CTBP2: variants seen among roughly 807,000 people sequenced by gnomAD.
CTBP2 encodes the protein C-terminal-binding protein 2.
CTBP2 carries 30 observed loss-of-function variants against 80.3 expected under a neutral mutation model. The observed-to-expected ratio is 0.37, with a 90% confidence interval of 0.28 to 0.51. The LOEUF (loss-of-function observed/expected upper bound fraction) is 0.51. Among genes scored for constraint, CTBP2 ranks in the 20% least tolerant of loss-of-function variants. CTBP2 has a pLI of 0.93. For missense variants in CTBP2, 1,212 were observed against 1,375.3 expected (o/e 0.88, Z 1.88); for synonymous variants, 594 against 587.4 (o/e 1.01, Z -0.16).
At position 125,148,316 on chromosome 10, in the gene CTBP2, T is replaced by C. The variant is rs74163350; in HGVS notation, c.-206+12003A>G. 4.1e-3 allele frequency among the ~76,000 whole-genome samples: 631 copies of C among 152,230 alleles called. 9 individuals are homozygous for C. The highest frequency in any genetic ancestry group is 0.014 in the African/African-American group (597 of 41,542). ...TTGGATCTGAGCCAGGACCCTGACA[T>C]GCCAAGTAACCACCAGGTTGCAAAA... On this transcript the variant is annotated intron_variant, in intron 1 of 10. Transcript: ENST00000337195.
chr10:125,116,368 C>G (rs1015914706), intron 1 of CTBP2, among the ~76,000 whole-genome samples: 4 of 152,180 alleles, frequency 2.6e-5, no homozygotes, highest in African/African-American at 9.7e-5. Context: ...ACTCCCTCGG[C>G]ACCCATGCTG....
At chr10:125,074,631 C>T (rs56691158) in intron 2 of CTBP2, among the ~76,000 whole-genome samples, 11,990 of 152,326 alleles carry the variant, frequency 0.079, 823 homozygotes, top group East Asian at 0.3. Flanking sequence ...AGGCATGAGC[C>T]ACAGTGCCTG....
chr10:125,112,107 CTTTTTTTT>C (rs59148637), intron 1 of CTBP2, among the ~76,000 whole-genome samples: 4 of 123,756 alleles, frequency 3.2e-5, no homozygotes, highest in Admixed American at 8.6e-5. Context: ...CTGCATTTGA[CTTTTTTTT>C]TTTTTTTTTT....
chr10:125,161,729 G>T (rs1240132416), upstream of CTBP2, among the ~76,000 whole-genome samples: 1 of 151,602 alleles, frequency 6.6e-6, no homozygotes, highest in Non-Finnish European at 1.5e-5. Context: ...AAAAAAAAAA[G>T]GTTCCCTCTT....
At chr10:125,040,830 G>A (rs1322001657) in intron 2 of CTBP2, among the ~76,000 whole-genome samples, 1 of 152,136 alleles carries the variant, frequency 6.6e-6, no homozygotes, top group African/African-American at 2.4e-5. Flanking sequence ...AGCTGAAAAG[G>A]CATCCGAAAG....
intron 2 of CTBP2, among the ~76,000 whole-genome samples, chr10:125,104,119 C>T (rs141569615): frequency 1.2e-4 from 18 of 152,308 alleles, no homozygotes; most frequent in East Asian, 1.9e-4. Context: ...AAAGACAGCA[C>T]GGTACCGTTC....
chr10:125,161,248 A>T (rs187139560), upstream of CTBP2: 1 of 150,012 alleles, frequency 6.7e-6, no homozygotes, highest in Non-Finnish European at 1.5e-5. Context: ...CGCGGCGGGC[A>T]CTCCCTAGCC....
At chr10:125,064,737 G>A (rs1844368693) in intron 2 of CTBP2, among the ~76,000 whole-genome samples, 1 of 152,224 alleles carries the variant, frequency 6.6e-6, no homozygotes, top group Admixed American at 6.5e-5. Flanking sequence ...CCACGCCAGT[G>A]TCCCCAGTCA....
chr10:125,118,223 G>A (rs1853666566), intron 1 of CTBP2, among the ~76,000 whole-genome samples: 2 of 152,174 alleles, frequency 1.3e-5, no homozygotes. Flanking sequence ...TTTTCTAGAT[G>A]ACAGGGCCAA....
At position 125,027,402 on chromosome 10, in the gene CTBP2, C is replaced by T. The variant is rs184501466; in HGVS notation, c.358G>A (p.Val120Ile). Residue 120 changes from valine to isoleucine, a missense_variant, in exon 1 of 9, where the codon GTA becomes ATA. Val to Ile is a conservative substitution (Grantham distance 29, BLOSUM62 3). Coordinates refer to ENST00000309035, the MANE Select transcript of CTBP2 (RefSeq NM_022802.3). ...CGATAGAGGGGAGGCTCTTTGGGTA[C>T]CCTAGCAGCTCCAGACGGATCACTG... 167 of 1,613,658 alleles carry T rather than the reference C, an allele frequency of 1.0e-4. No homozygotes were observed. The East Asian group carries it at 3.6e-3, about 35-fold the overall frequency.
At chr10:125,154,994 A>AT (rs1860661650) in intron 1 of CTBP2, among the ~76,000 whole-genome samples, 1 of 152,242 alleles carries the variant, frequency 6.6e-6, no homozygotes, top group Non-Finnish European at 1.5e-5. Flanking sequence ...GTGACTTAAG[A>AT]TGCCTCCTTT....
chr10:125,072,704 T>TG (rs1845696856), intron 2 of CTBP2, among the ~76,000 whole-genome samples: 2 of 150,382 alleles, frequency 1.3e-5, no homozygotes, highest in Non-Finnish European at 2.9e-5. Flanking sequence ...GCCAATTGCT[T>TG]GGGGCCCTCA....
intron 2 of CTBP2, among the ~76,000 whole-genome samples, chr10:125,089,601 C>T (rs1848478616): frequency 6.6e-6 from 1 of 152,170 alleles, no homozygotes; most frequent in Admixed American, 6.5e-5. Flanking sequence ...AGTGGCTGAA[C>T]ACACCCAGAA....
intron 1 of CTBP2, among the ~76,000 whole-genome samples, chr10:125,112,802 C>T (rs1304010571): frequency 6.6e-6 from 1 of 152,200 alleles, no homozygotes; most frequent in East Asian, 1.9e-4. Flanking sequence ...TTTAATGGGG[C>T]TTTTAATTAG....
intron 1 of CTBP2, among the ~76,000 whole-genome samples, chr10:125,120,941 G>A (rs1411179582): frequency 2.0e-5 from 3 of 152,216 alleles, no homozygotes; most frequent in African/African-American, 7.2e-5. Context: ...CCTTGACCCT[G>A]ACTCTCTCAC....
chr10:125,128,701 A>G (rs1190407925), intron 1 of CTBP2, among the ~76,000 whole-genome samples: 1 of 152,216 alleles, frequency 6.6e-6, no homozygotes, highest in Non-Finnish European at 1.5e-5. Context: ...AAAATAGCTG[A>G]CTTCCATACA....
At chr10:125,134,245 G>A (rs1856619358) in intron 1 of CTBP2, among the ~76,000 whole-genome samples, 2 of 152,176 alleles carry the variant, frequency 1.3e-5, no homozygotes, top group African/African-American at 4.8e-5. Flanking sequence ...CAGAGGTGGA[G>A]AGACTGAGGC....
intron 1 of CTBP2, among the ~76,000 whole-genome samples, chr10:125,113,377 A>G (rs1436691249): frequency 6.6e-6 from 1 of 152,198 alleles, no homozygotes; most frequent in Non-Finnish European, 1.5e-5. Flanking sequence ...CCCATCTCCA[A>G]GTCTCTAAAG....
At chr10:125,083,327 C>A (rs1330577217) in intron 2 of CTBP2, among the ~76,000 whole-genome samples, 1 of 152,164 alleles carries the variant, frequency 6.6e-6, no homozygotes, top group Non-Finnish European at 1.5e-5. Context: ...AAGAGTCTCC[C>A]TGTCGTGCCA....
Sources: gnomAD v4.1 joint callset for allele counts (sites outside exome capture counted in the v4.1 genomes callset) on GRCh38, gnomAD v4.1.1 for gene constraint, MANE v1.5 for transcripts, NCBI Gene and HGNC (gene_info 2026-07-23, HGNC 2026-07-21) for gene names.